The following CAMKK2 variants were observed in gnomAD, a reference collection of about 807,000 sequenced individuals.
CAMKK2 encodes the protein calcium/calmodulin-dependent protein kinase kinase 2.
Under a neutral mutation model 67.2 loss-of-function variants are expected in CAMKK2, and 30 were observed. That is an observed-to-expected ratio of 0.45 (90% confidence interval 0.33 to 0.61). The LOEUF is 0.61. Among genes scored for constraint, CAMKK2 ranks in the 20% least tolerant of loss-of-function variants. The probability of loss-of-function intolerance (pLI) is 0.02; values close to 1 mark genes in which losing one functional copy is unlikely to be tolerated. For missense variants in CAMKK2, 643 were observed against 802.0 expected (o/e 0.80, Z 2.39); for synonymous variants, 322 against 326.2 (o/e 0.99, Z 0.14).
chr12:121,257,021 TA>T (rs11377456), intron 7 of CAMKK2, among the ~76,000 whole-genome samples: 21 of 148,196 alleles, frequency 1.4e-4, no homozygotes, highest in Non-Finnish European at 1.9e-4. Context: ...TTTAGGAAGT[TA>T]AAAAAAAAAA....
At chr12:121,252,500 C>CTT (rs1890940378) in intron 11 of CAMKK2, among the ~76,000 whole-genome samples, 161 bp downstream of exon 11, 1 of 88,020 alleles carries the variant, frequency 1.1e-5, no homozygotes, top group Admixed American at 1.2e-4. Context: ...CAACTCCTAA[C>CTT]CTCTGCCTCA....
At position 121,240,446 on chromosome 12, in the gene CAMKK2, G is replaced by GTGGGTT; in HGVS notation, c.*247_*252dup. 1 of 1,526,520 alleles carries GTGGGTT rather than the reference G, an allele frequency of 6.6e-7. No individual in the cohort carries two copies. Among genetic ancestry groups the GTGGGTT allele is most frequent in the Non-Finnish European group, 8.7e-7 (1 of 1,144,286 alleles). The allele number at this position is 1,526,520 out of a possible 1,614,324, so 94.6% of individuals were successfully genotyped here. A position where few individuals can be genotyped will look rare whatever the true frequency, so the allele number is the denominator to read the frequency against. ...AAAAAGCAATTGTCCCAAAATGCAC[G>GTGGGTT]TGGGTTTGGGTCTGCAACTCCTCAC... On this transcript the variant is annotated 3_prime_UTR_variant, in exon 17 of 17. Transcript: ENST00000404169. This position sits in a 1 kb window ranked among gnomAD's most constrained non-coding sequence, Gnocchi z 4.4.
chr12:121,286,410 G>A (rs926465936), intron 1 of CAMKK2, among the ~76,000 whole-genome samples: 6 of 152,208 alleles, frequency 3.9e-5, no homozygotes, highest in Non-Finnish European at 8.8e-5. Flanking sequence ...CACAAGAATC[G>A]CATTGCTGCA....
intron 1 of CAMKK2, among the ~76,000 whole-genome samples, chr12:121,289,691 G>A (rs978337471): frequency 5.9e-5 from 9 of 152,154 alleles, no homozygotes; most frequent in East Asian, 3.9e-4. Context: ...TCAGGAGTTC[G>A]AGACCAGCCT....
chr12:121,273,929 T>G, intron 2 of CAMKK2, 127 bp downstream of exon 2: 2 of 720,642 alleles, frequency 2.8e-6, no homozygotes, highest in South Asian at 3.0e-5. Context: ...TTCCCTGGAG[T>G]CAACTCCTAG....
chr12:121,240,823 C>G lies in CAMKK2; in HGVS notation c.1643G>C (p.Arg548Pro). ...CACAAGAGCACTTCCTCCTCCCCCA[C>G]GGGGGGCGGGTCGGTGCCCTGGAGG... ...RQPPGHRPAP[R>P]GGGGSALVRG... The change falls in exon 17 of 17, where the codon CGT (arginine) becomes CCT (proline). Residue 548 changes from arginine to proline, a missense_variant. This residue lies in a region of CAMKK2 where 140 missense variants were observed against 124.2 expected (regional missense o/e 1.13). Transcript: ENST00000404169. This position sits in a 1 kb window ranked among gnomAD's most constrained non-coding sequence, Gnocchi z 4.4. 3.1e-6 allele frequency: 5 copies of G among 1,611,706 alleles called. No homozygotes were observed. The highest frequency in any genetic ancestry group is 4.2e-6 in the Non-Finnish European group (5 of 1,179,590).
At position 121,249,868 on chromosome 12, in the gene CAMKK2, G is replaced by T; in HGVS notation, c.1242C>A (p.Asp414Glu). ...SQALEFPDQP[D>E]IAEDLKDLIT... The stretch of plus-strand genomic sequence containing the variant: ...TCAGGTCCTTCAAGTCCTCAGCTAT[G>T]TCGGGCCTGGGGATGGAGAGGCGTC... The change falls in exon 13 of 17, where the codon GAC (aspartate) becomes GAA (glutamate). Residue 414 changes from aspartate (D) to glutamate (E), a missense_variant. Around this residue, in one of 3 missense-constraint regions of CAMKK2, gnomAD observed 483 missense variants for 625.8 expected, o/e 0.77. Transcript: ENST00000404169. The T allele has an allele frequency of 6.2e-7, 1 of 1,614,166 alleles. No individual in the cohort carries two copies. The highest frequency in any genetic ancestry group is 1.6e-4 in the Middle Eastern group (1 of 6,062).
chr12:121,259,338 A>T (rs1208111282), intron 7 of CAMKK2, among the ~76,000 whole-genome samples: 1 of 151,938 alleles, frequency 6.6e-6, no homozygotes, highest in Non-Finnish European at 1.5e-5. Context: ...CACGCATCAC[A>T]CTCAGGTGCG....
chr12:121,282,899 C>G (rs1429177718), intron 1 of CAMKK2, among the ~76,000 whole-genome samples: 2 of 152,118 alleles, frequency 1.3e-5, no homozygotes, highest in African/African-American at 4.8e-5. Flanking sequence ...GGATTACAGG[C>G]ACCCACCACC....
intron 1 of CAMKK2, among the ~76,000 whole-genome samples, chr12:121,279,983 C>T (rs1897468441): frequency 6.6e-6 from 1 of 152,260 alleles, no homozygotes; most frequent in African/African-American, 2.4e-5. Context: ...AGCCCGGACA[C>T]ACCTGTGCAG....
intron 13 of CAMKK2, among the ~76,000 whole-genome samples, chr12:121,249,027 A>G (rs749563765): frequency 5.9e-5 from 9 of 152,246 alleles, no homozygotes; most frequent in Non-Finnish European, 7.3e-5. Context: ...TGGCTGCCCA[A>G]GGAGCATCCA....
chr12:121,255,236 TTATA>T (rs1171392175), intron 9 of CAMKK2, among the ~76,000 whole-genome samples: 2 of 3,222 alleles, frequency 6.2e-4, no homozygotes, highest in East Asian at 0.016. Flanking sequence ...ATATATAATT[TTATA>T]TATATATAAT....
In CAMKK2 at chr12:121,253,191, T is replaced by A; in HGVS notation, c.1107+82A>T. 8.2e-7 allele frequency: 1 copy of A among 1,216,684 alleles called. No individual in the cohort carries two copies. Among genetic ancestry groups the A allele is most frequent in the Non-Finnish European group, 1.2e-6 (1 of 832,552 alleles). 75.4% of individuals were successfully genotyped at this position (1,216,684 alleles called of 1,614,324 possible). A position where few individuals can be genotyped will look rare whatever the true frequency, so the allele number is the denominator to read the frequency against. ...CCAGGGGATTCACTGTTTAAGCCTG[T>A]GTGCGTTGGGTTTCTGCTGCTTACA... is the stretch of plus-strand genomic sequence containing the variant. On this transcript the variant is annotated intron_variant, in intron 10 of 16. Transcript: ENST00000404169. The surrounding 1 kb of genome is among the most constrained non-coding windows in gnomAD (Gnocchi z 5.0).
At chr12:121,276,805 G>C (rs1292076163) in intron 1 of CAMKK2, among the ~76,000 whole-genome samples, 1 of 150,052 alleles carries the variant, frequency 6.7e-6, no homozygotes, top group African/African-American at 2.5e-5. Flanking sequence ...AGAATTGCTT[G>C]AACCTGGGAG....
intron 1 of CAMKK2, among the ~76,000 whole-genome samples, chr12:121,276,902 T>TGG (rs3078969): frequency 0.029 from 1,360 of 46,514 alleles, 22 homozygotes; most frequent in African/African-American, 0.063. Flanking sequence ...AAGGGCGGGG[T>TGG]GGGGGGGGGG....
chr12:121,290,912 C>T (rs561655336), intron 1 of CAMKK2, among the ~76,000 whole-genome samples: 66 of 151,882 alleles, frequency 4.3e-4, no homozygotes, highest in Non-Finnish European at 8.1e-4. Context: ...CTCTGCCTCC[C>T]GGGTTCAAGC....
chr12:121,241,525 G>A (rs61953428), intron 16 of CAMKK2, among the ~76,000 whole-genome samples: 12,736 of 152,292 alleles, frequency 0.084, 679 homozygotes, highest in Non-Finnish European at 0.12. Context: ...TGGAGCCGCC[G>A]GTGTGACAGC....
In CAMKK2 at chr12:121,253,498, G is replaced by C. The variant is rs778935272; in HGVS notation, c.908-26C>G. 2 of 1,606,350 alleles carry C rather than the reference G, an allele frequency of 1.2e-6. No homozygotes were observed. The highest frequency in any genetic ancestry group is 4.5e-5 in the East Asian group (2 of 44,854). ...CTGGGGAGGCGTAGACAGCAGGTGGGAGATAGGGGCAGGAAAACCTCGTGA... is the reference window on the plus strand; with the variant it reads ...CTGGGGAGGCGTAGACAGCAGGTGGCAGATAGGGGCAGGAAAACCTCGTGA... On this transcript the variant is annotated intron_variant, in intron 9 of 16. Coordinates refer to ENST00000404169, the MANE Select transcript of CAMKK2 (RefSeq NM_001270485.2). This position sits in a 1 kb window ranked among gnomAD's most constrained non-coding sequence, Gnocchi z 5.0.
At chr12:121,263,483 G>A (rs955020994) in intron 6 of CAMKK2, among the ~76,000 whole-genome samples, 3 of 152,112 alleles carry the variant, frequency 2.0e-5, no homozygotes, top group African/African-American at 4.8e-5. Context: ...CTGCTTTTGC[G>A]CTATGACTAC....
Sources: allele counts gnomAD v4.1 joint callset (sites outside exome capture counted in the v4.1 genomes callset), GRCh38; gene constraint gnomAD v4.1.1; regional missense constraint gnomAD v4.1.1; non-coding constraint Gnocchi (gnomAD v3.1); transcripts MANE v1.5; gene names NCBI Gene and HGNC (gene_info 2026-07-23, HGNC 2026-07-21).